DYM: variants seen among roughly 807,000 people sequenced by gnomAD.
DYM encodes the protein dyggve-Melchior-Clausen syndrome protein.
In DYM, 78 loss-of-function variants were observed where a neutral mutation model predicts 93.1. That is an observed-to-expected ratio of 0.84 (90% confidence interval 0.70 to 1.01). The LOEUF is 1.01. Among genes scored for constraint, DYM ranks in the 50% least tolerant of loss-of-function variants. The pLI is 0.00. For missense variants in DYM, 789 were observed against 845.0 expected, an observed-to-expected ratio of 0.93 and a Z score of 0.82; for synonymous variants, 321 against 319.7, an observed-to-expected ratio of 1.00 and a Z score of -0.04.
intron 8 of DYM, among the ~76,000 whole-genome samples, chr18:49,326,339 T>C (rs1380520068): frequency 6.6e-6 from 1 of 152,166 alleles, no homozygotes; most frequent in Non-Finnish European, 1.5e-5. Context: ...AATTTTTTCT[T>C]GTACTGGAAA....
At chr18:49,304,301 G>C (rs1360305134) in intron 8 of DYM, among the ~76,000 whole-genome samples, 1 of 152,128 alleles carries the variant, frequency 6.6e-6, no homozygotes, top group African/African-American at 2.4e-5. Flanking sequence ...CCCTGGCCAG[G>C]AGGCCAACAG....
intron 8 of DYM, among the ~76,000 whole-genome samples, chr18:49,330,900 C>A (rs2063259446): frequency 6.6e-6 from 1 of 152,148 alleles, no homozygotes; most frequent in Non-Finnish European, 1.5e-5. Context: ...TAAAAGAAAT[C>A]AAAGGAAGGC....
intron 14 of DYM, among the ~76,000 whole-genome samples, chr18:49,204,743 A>C (rs1489217587): frequency 6.6e-6 from 1 of 152,220 alleles, no homozygotes; most frequent in East Asian, 1.9e-4. Flanking sequence ...TGAAGTGCAC[A>C]CACAAACTAA....
intron 6 of DYM, among the ~76,000 whole-genome samples, chr18:49,334,776 T>C (rs920721854): frequency 1.3e-5 from 2 of 152,200 alleles, no homozygotes; most frequent in Non-Finnish European, 2.9e-5. Context: ...AAATTTAAAT[T>C]CTACCAGATA....
chr18:49,209,901 G>A (rs1943010), intron 13 of DYM, among the ~76,000 whole-genome samples, 186 bp from the exon 14 acceptor site: 89,512 of 151,774 alleles, frequency 0.59, 28,718 homozygotes, highest in Non-Finnish European at 0.74. Context: ...ATGGGCAAAA[G>A]ATCTAAACAG....
At chr18:49,195,299 G>A (rs1024907245) in intron 14 of DYM, among the ~76,000 whole-genome samples, 3 of 151,908 alleles carry the variant, frequency 2.0e-5, no homozygotes, top group Non-Finnish European at 4.4e-5. Context: ...ATATTTATGC[G>A]ATTCAGAGTG....
intron 15 of DYM, among the ~76,000 whole-genome samples, chr18:49,144,985 A>C (rs2084923923): frequency 6.6e-6 from 1 of 150,622 alleles, no homozygotes. Flanking sequence ...CTATAGTCCC[A>C]GCTACTCGAA....
At chr18:49,114,301 T>G (rs1307727394) in intron 16 of DYM, among the ~76,000 whole-genome samples, 1 of 152,218 alleles carries the variant, frequency 6.6e-6, no homozygotes, top group South Asian at 2.1e-4. Context: ...TACTTAAAAA[T>G]GTTTAGGCAT....
intron 8 of DYM, among the ~76,000 whole-genome samples, chr18:49,301,522 GA>G (rs1184317921): frequency 4.4e-3 from 203 of 46,388 alleles, no homozygotes; most frequent in African/African-American, 6.1e-3. Context: ...CTCCGTCTCA[GA>G]AAAAAAAAAA....
At chr18:49,143,036 T>C (rs1012165254) in intron 15 of DYM, among the ~76,000 whole-genome samples, 5 of 152,240 alleles carry the variant, frequency 3.3e-5, no homozygotes, top group Non-Finnish European at 5.9e-5. Context: ...TGAACAATGA[T>C]AATCATATTT....
At chr18:49,321,500 A>C (rs2062477738) in intron 8 of DYM, 1 of 394,780 alleles carries the variant, frequency 2.5e-6, no homozygotes, top group Admixed American at 4.4e-5. Flanking sequence ...CTGTATTTTG[A>C]CATTAGATTA....
At chr18:49,229,378 G>C (rs2093633809) in intron 13 of DYM, among the ~76,000 whole-genome samples, 2 of 151,976 alleles carry the variant, frequency 1.3e-5, no homozygotes, top group African/African-American at 4.8e-5. Context: ...TACTTGCAAA[G>C]TACTTGTATC....
chr18:49,444,270 C>T (rs780784376), intron 1 of DYM, among the ~76,000 whole-genome samples: 5 of 152,134 alleles, frequency 3.3e-5, no homozygotes, highest in African/African-American at 7.2e-5. Flanking sequence ...TATCCTGACG[C>T]GTCCTGCCAC....
intron 2 of DYM, among the ~76,000 whole-genome samples, chr18:49,403,676 G>A (rs1167159378): frequency 6.6e-6 from 1 of 152,118 alleles, no homozygotes; most frequent in Non-Finnish European, 1.5e-5. Context: ...TTTGGGATAT[G>A]AATGATTCCA....
chr18:49,096,877 A>T (rs1292686469), intron 17 of DYM, among the ~76,000 whole-genome samples: 2 of 152,222 alleles, frequency 1.3e-5, no homozygotes, highest in Non-Finnish European at 2.9e-5. Context: ...TTCAATCTGC[A>T]GGCTCCATCA....
intron 13 of DYM, among the ~76,000 whole-genome samples, chr18:49,240,570 C>T (rs964812593): frequency 2.0e-5 from 3 of 152,098 alleles, no homozygotes; most frequent in Admixed American, 6.5e-5. Flanking sequence ...TAACAAAAGT[C>T]TAAATTATTA....
chr18:49,160,576 C>A (rs1250774682), intron 15 of DYM, among the ~76,000 whole-genome samples: 378 of 135,394 alleles, frequency 2.8e-3, no homozygotes, highest in Middle Eastern at 3.8e-3. Context: ...GACTCTGTCT[C>A]AAAAAAAAAA....
rs910332912 is a variant in DYM at position 49,038,316 on chromosome 18, G to A, written c.*5739C>T. On this transcript the variant is annotated 3_prime_UTR_variant, in exon 18 of 18. Coordinates refer to ENST00000675505, the MANE Select transcript of DYM (RefSeq NM_001353214.3). ...ATAGGCATGTTAAAATATCACTCTG[G>A]TTGCATATTTGTCTAAATTTCCTAT... 3.3e-5 allele frequency among the ~76,000 whole-genome samples: 5 copies of A among 151,896 alleles called. No individual in the cohort carries two copies. Among genetic ancestry groups the A allele is most frequent in the African/African-American group, 1.2e-4 (5 of 41,334 alleles).
chr18:49,052,085 G>T (rs575615719), intron 17 of DYM, among the ~76,000 whole-genome samples: 1 of 152,236 alleles, frequency 6.6e-6, no homozygotes, highest in South Asian at 2.1e-4. Flanking sequence ...ATTTATGCAT[G>T]TTCTCCAGGA....
Sources: gnomAD v4.1 joint callset for allele counts (sites outside exome capture counted in the v4.1 genomes callset) on GRCh38, gnomAD v4.1.1 for gene constraint, MANE v1.5 for transcripts, NCBI Gene and HGNC (gene_info 2026-07-23, HGNC 2026-07-21) for gene names.